Variants in CPNE4 observed in about 807,000 individuals in gnomAD.
CPNE4 encodes copine 4.
Under a neutral mutation model 67.9 loss-of-function variants are expected in CPNE4, and 25 were observed. The ratio of observed to expected loss-of-function variants is 0.37; its 90% CI spans 0.27 to 0.51. CPNE4 has a LOEUF of 0.51. Among genes scored for constraint, CPNE4 ranks in the 20% least tolerant of loss-of-function variants. The probability of loss-of-function intolerance (pLI) is 0.93; values close to 1 mark genes in which losing one functional copy is unlikely to be tolerated. For synonymous variants in CPNE4, 242 were observed against 244.9 expected, an observed-to-expected ratio of 0.99 and a Z score of 0.11; for missense variants, 464 against 690.8, an observed-to-expected ratio of 0.67 and a Z score of 3.68.
At chr3:131,866,442 A>G (rs2086955435) in intron 2 of CPNE4, among the ~76,000 whole-genome samples, 2 of 152,188 alleles carry the variant, frequency 1.3e-5, no homozygotes, top group Non-Finnish European at 2.9e-5. Context: ...ATGAGAAAGG[A>G]GCAAGAAGAA....
chr3:131,802,653 A>C (rs924760251), intron 2 of CPNE4, among the ~76,000 whole-genome samples: 19 of 152,232 alleles, frequency 1.2e-4, no homozygotes, highest in Non-Finnish European at 2.5e-4. Context: ...TGTAAATGAC[A>C]TCAAAATACA....
At chr3:131,918,972 G>A (rs1413556671) in intron 1 of CPNE4, among the ~76,000 whole-genome samples, 1 of 152,110 alleles carries the variant, frequency 6.6e-6, no homozygotes, top group African/African-American at 2.4e-5. Context: ...AAGTGTTGTA[G>A]GGAGCCGAAG....
chr3:131,864,488 C>G (rs565453794), intron 2 of CPNE4, among the ~76,000 whole-genome samples: 1 of 152,066 alleles, frequency 6.6e-6, no homozygotes, highest in South Asian at 2.1e-4. Context: ...GGAGTTCACT[C>G]ATGATTTGGC....
intron 1 of CPNE4, among the ~76,000 whole-genome samples, chr3:131,915,017 A>G (rs2089132906): frequency 6.6e-6 from 1 of 152,160 alleles, no homozygotes; most frequent in Admixed American, 6.5e-5. Flanking sequence ...TTTCCTAGCT[A>G]CTAATATTAA....
intron 2 of CPNE4, among the ~76,000 whole-genome samples, chr3:131,900,131 A>G (rs2088495221): frequency 6.6e-6 from 1 of 152,092 alleles, no homozygotes; most frequent in African/African-American, 2.4e-5. Flanking sequence ...AGGAGTTTAA[A>G]CAACTCTACA....
At chr3:131,857,833 T>C (rs2086511497) in intron 2 of CPNE4, among the ~76,000 whole-genome samples, 1 of 151,926 alleles carries the variant, frequency 6.6e-6, no homozygotes, top group African/African-American at 2.4e-5. Context: ...AAAAATCCAA[T>C]ACAATCCTCA....
intron 2 of CPNE4, among the ~76,000 whole-genome samples, chr3:131,734,477 C>T (rs146560059): frequency 3.3e-5 from 5 of 152,240 alleles, no homozygotes; most frequent in East Asian, 3.9e-4. Context: ...TAGCAATGCC[C>T]GCCTTGAATA....
At chr3:131,868,249 C>T (rs1179077263) in intron 2 of CPNE4, among the ~76,000 whole-genome samples, 1 of 152,194 alleles carries the variant, frequency 6.6e-6, no homozygotes. Flanking sequence ...TTCCCAGCCC[C>T]CTACCACAGT....
intron 2 of CPNE4, among the ~76,000 whole-genome samples, chr3:131,799,897 T>C (rs2084028558): frequency 8.5e-6 from 1 of 117,232 alleles, no homozygotes; most frequent in African/African-American, 3.5e-5. Flanking sequence ...TTGTTTTTTG[T>C]TGGTGCGTGT....
intron 2 of CPNE4, among the ~76,000 whole-genome samples, chr3:131,854,003 A>G (rs527240338): frequency 4.6e-5 from 7 of 151,936 alleles, no homozygotes; most frequent in Non-Finnish European, 1.0e-4. Flanking sequence ...ATATGCATTT[A>G]CTATATGACC....
At chr3:131,730,444 A>T (rs2082101253) in intron 2 of CPNE4, among the ~76,000 whole-genome samples, 1 of 152,188 alleles carries the variant, frequency 6.6e-6, no homozygotes, top group Non-Finnish European at 1.5e-5. Context: ...ACTCTAGAAT[A>T]TATGCTCTTT....
At chr3:131,895,963 T>C (rs2088313089) in intron 2 of CPNE4, among the ~76,000 whole-genome samples, 1 of 151,960 alleles carries the variant, frequency 6.6e-6, no homozygotes, top group Non-Finnish European at 1.5e-5. Context: ...ATCACGCCTA[T>C]AATCCCAGTG....
intron 1 of CPNE4, among the ~76,000 whole-genome samples, chr3:131,941,103 GT>G (rs761843197): frequency 6.6e-6 from 1 of 152,032 alleles, no homozygotes; most frequent in Non-Finnish European, 1.5e-5. Context: ...ATAACACTTA[GT>G]GAGTGGAATG....
intron 6 of CPNE4, among the ~76,000 whole-genome samples, chr3:131,679,375 C>T (rs1311505877): frequency 6.6e-6 from 1 of 151,762 alleles, no homozygotes; most frequent in East Asian, 1.9e-4. Flanking sequence ...TAAAAAAAAA[C>T]CTGCTCCTGG....
At chr3:131,613,172 AAT>A (rs1413879037) in intron 7 of CPNE4, among the ~76,000 whole-genome samples, 1 of 152,158 alleles carries the variant, frequency 6.6e-6, no homozygotes, top group Non-Finnish European at 1.5e-5. Flanking sequence ...CTAATTAGTG[AAT>A]AGTTTTAGCA....
chr3:131,953,251 A>AAAAT (rs1553813419), intron 1 of CPNE4, among the ~76,000 whole-genome samples: 43 of 140,842 alleles, frequency 3.1e-4, no homozygotes, highest in Non-Finnish European at 4.4e-4. Flanking sequence ...AAAAAAAAAA[A>AAAAT]AAAAAAAAAA....
At chr3:131,876,503 G>C (rs1004868233) in intron 2 of CPNE4, among the ~76,000 whole-genome samples, 1 of 151,338 alleles carries the variant, frequency 6.6e-6, no homozygotes, top group Non-Finnish European at 1.5e-5. Flanking sequence ...TTAGCCAGAT[G>C]TGGTGGCGGG....
At chr3:132,028,912 T>C (rs2074176435) in intron 1 of CPNE4, among the ~76,000 whole-genome samples, 1 of 147,996 alleles carries the variant, frequency 6.8e-6, no homozygotes. Context: ...GTAAAATATA[T>C]TCTTAATTTT....
At chr3:132,003,553 A>T (rs771325142) in intron 1 of CPNE4, among the ~76,000 whole-genome samples, 1 of 147,296 alleles carries the variant, frequency 6.8e-6, no homozygotes, top group Non-Finnish European at 1.5e-5. Context: ...TACTACTTCT[A>T]TGAAAAGCCA....
Sources: allele counts gnomAD v4.1 joint callset (sites outside exome capture counted in the v4.1 genomes callset), GRCh38; gene constraint gnomAD v4.1.1; transcripts MANE v1.5; gene names NCBI Gene and HGNC (gene_info 2026-07-23, HGNC 2026-07-21).